PRH1: variants seen among roughly 807,000 people sequenced by gnomAD.
The protein encoded by PRH1 is salivary acidic proline-rich phosphoprotein 1/2.
A neutral mutation model predicts 7.9 loss-of-function variants in PRH1; 7 were observed. That is an observed-to-expected ratio of 0.89 (90% CI 0.50 to 1.67). PRH1 has a LOEUF of 1.67. Ranked by LOEUF, PRH1 falls within the 40% of genes most tolerant of loss-of-function variation. The pLI, the probability that PRH1 is intolerant of heterozygous loss-of-function variation, is 0.00. For missense variants in PRH1, 109 were observed against 223.6 expected (o/e 0.49, Z 3.27); for synonymous variants, 45 against 80.8 (o/e 0.56, Z 2.38).
At chr12:11,108,299 A>G (rs2136297873) in intron 1 of PRH1, among the ~76,000 whole-genome samples, 1 of 152,338 alleles carries the variant, frequency 6.6e-6, no homozygotes, top group East Asian at 1.9e-4. Flanking sequence ...AACACTGTAA[A>G]TGTGGTGCAT....
chr12:10,978,433 A>G (rs1176256590), intron 1 of PRH1, among the ~76,000 whole-genome samples: 1 of 152,170 alleles, frequency 6.6e-6, no homozygotes, highest in Non-Finnish European at 1.5e-5. Context: ...ATTAAATACT[A>G]AAATGTAAAA....
At chr12:11,169,749 C>T (rs1422145171) in intron 1 of PRH1, among the ~76,000 whole-genome samples, 1 of 152,116 alleles carries the variant, frequency 6.6e-6, no homozygotes, top group South Asian at 2.1e-4. Context: ...CAGAATTGAT[C>T]ATTTATTTTA....
intron 2 of PRH1, chr12:10,931,108 A>T: frequency 6.4e-7 from 1 of 1,574,038 alleles, no homozygotes; most frequent in South Asian, 1.2e-5. Flanking sequence ...TATCCATCAA[A>T]GGCTCCAACT....
At chr12:10,907,481 C>A (rs1014648781) in intron 2 of PRH1, among the ~76,000 whole-genome samples, 1 of 151,468 alleles carries the variant, frequency 6.6e-6, no homozygotes, top group Non-Finnish European at 1.5e-5. Context: ...TTAAAGAAGC[C>A]TCACATATAA....
intron 1 of PRH1, chr12:11,061,484 A>T: frequency 6.2e-7 from 1 of 1,614,174 alleles, no homozygotes. Context: ...GTTGAAGGAT[A>T]GCTGAATGCA....
intron 1 of PRH1, among the ~76,000 whole-genome samples, chr12:11,162,336 GGGA>G (rs1484066928): frequency 6.6e-6 from 1 of 152,148 alleles, no homozygotes; most frequent in East Asian, 1.9e-4. Context: ...CTTTCTAAAT[GGGA>G]GGAGTTTATT....
intron 1 of PRH1, chr12:11,022,568 T>A: frequency 6.2e-7 from 1 of 1,601,794 alleles, no homozygotes; most frequent in East Asian, 2.2e-5. Context: ...AGAAAACACA[T>A]CATGTTTGAA....
chr12:10,907,165 C>G (rs1949816471), intron 2 of PRH1, among the ~76,000 whole-genome samples: 1 of 152,074 alleles, frequency 6.6e-6, no homozygotes, highest in African/African-American at 2.4e-5. Context: ...AATGGTGCAA[C>G]CACTCTATAG....
rs73254873 is a variant in PRH1, at chr12:11,035,323, C to T, written c.-126+11697G>A. Among the ~76,000 whole-genome samples, 942 of 152,300 alleles carry T rather than the reference C, an allele frequency of 6.2e-3. 10 individuals are homozygous for T. Among genetic ancestry groups the T allele is most frequent in the African/African-American group, 0.022 (900 of 41,546 alleles). On this transcript the variant is annotated intron_variant, in intron 1 of 3. Transcript: ENST00000539853. ...CTGATTGTAGCTTCACTGTCTCTGA[C>T]CCTCTAGCCTTATATTTTCTATCTA...
At chr12:11,024,069 T>C (rs1017987159) in intron 1 of PRH1, among the ~76,000 whole-genome samples, 10 of 152,256 alleles carry the variant, frequency 6.6e-5, no homozygotes, top group Non-Finnish European at 4.4e-5. Context: ...GGTTGGCAGG[T>C]AACATCATGT....
At chr12:10,938,814 C>T (rs1950340389) in intron 2 of PRH1, 2 of 1,613,282 alleles carry the variant, frequency 1.2e-6, no homozygotes, top group South Asian at 1.1e-5. Flanking sequence ...AGAAGCAGCA[C>T]CAAAACCACC....
intron 2 of PRH1, among the ~76,000 whole-genome samples, chr12:10,941,449 T>C (rs978592366): frequency 2.0e-5 from 3 of 152,158 alleles, no homozygotes; most frequent in Admixed American, 6.5e-5. Context: ...AAGTTACATT[T>C]AGGTGTATAC....
chr12:11,066,698 A>G (rs1489476680), intron 1 of PRH1, among the ~76,000 whole-genome samples: 1 of 151,600 alleles, frequency 6.6e-6, no homozygotes, highest in Non-Finnish European at 1.5e-5. Context: ...TATTTGATAA[A>G]TGTGATTTCC....
chr12:10,910,868 C>T (rs898629443), intron 2 of PRH1, among the ~76,000 whole-genome samples: 14 of 152,064 alleles, frequency 9.2e-5, no homozygotes, highest in African/African-American at 2.7e-4. Context: ...TTTTATTACT[C>T]ATGCAATCTT....
intron 1 of PRH1, among the ~76,000 whole-genome samples, chr12:11,121,338 G>A (rs541582309): frequency 6.6e-6 from 1 of 151,464 alleles, no homozygotes; most frequent in South Asian, 2.1e-4. Context: ...ATTCAGTTAT[G>A]ATCCATAGTT....
At chr12:10,959,838 T>A (rs1389163726) in intron 2 of PRH1, among the ~76,000 whole-genome samples, 1 of 152,052 alleles carries the variant, frequency 6.6e-6, no homozygotes, top group East Asian at 1.9e-4. Context: ...ACAAAACAAG[T>A]CTGATTGATT....
chr12:10,994,465 A>G (rs1229488222), intron 1 of PRH1, among the ~76,000 whole-genome samples: 2 of 152,170 alleles, frequency 1.3e-5, no homozygotes, highest in Non-Finnish European at 2.9e-5. Flanking sequence ...GCATCTGATA[A>G]CCACCATGCT....
intron 1 of PRH1, among the ~76,000 whole-genome samples, chr12:11,064,051 C>A (rs1174022504): frequency 6.6e-6 from 1 of 151,998 alleles, no homozygotes; most frequent in Non-Finnish European, 1.5e-5. Flanking sequence ...ATTCAAGTAA[C>A]CATGATGCAG....
chr12:11,054,013 G>A (rs1943258079), intron 1 of PRH1, among the ~76,000 whole-genome samples: 1 of 152,092 alleles, frequency 6.6e-6, no homozygotes, highest in Non-Finnish European at 1.5e-5. Flanking sequence ...TAGACAGTGG[G>A]TTTCACTATA....
Sources: allele counts gnomAD v4.1 joint callset (sites outside exome capture counted in the v4.1 genomes callset), GRCh38; gene constraint gnomAD v4.1.1; transcripts MANE v1.5; gene names NCBI Gene and HGNC (gene_info 2026-07-23, HGNC 2026-07-21).